The following LHFPL6 variants were observed in gnomAD, a reference collection of about 807,000 sequenced individuals.
LHFPL6 encodes LHFPL tetraspan subfamily member 6 protein.
Under a neutral mutation model 20.6 loss-of-function variants are expected in LHFPL6, and 9 were observed. That is an observed-to-expected ratio of 0.44 (90% CI 0.26 to 0.76). LHFPL6 has a LOEUF of 0.76. Among genes scored for constraint, LHFPL6 ranks in the 30% least tolerant of loss-of-function variants. The probability of loss-of-function intolerance (pLI) is 0.20; values close to 1 mark genes in which losing one functional copy is unlikely to be tolerated. For synonymous variants in LHFPL6, 105 were observed against 98.7 expected (o/e 1.06, Z -0.38); for missense variants, 218 against 253.5 (o/e 0.86, Z 0.95).
At chr13:39,507,017 A>G (rs1869508618) in intron 2 of LHFPL6, among the ~76,000 whole-genome samples, 1 of 152,234 alleles carries the variant, frequency 6.6e-6, no homozygotes, top group African/African-American at 2.4e-5. Flanking sequence ...ACAAGTTTGT[A>G]TAAACACGTT....
intron 2 of LHFPL6, among the ~76,000 whole-genome samples, chr13:39,564,097 T>C (rs1190500345): frequency 7.0e-6 from 1 of 143,482 alleles, no homozygotes. Flanking sequence ...TCCAGGAGAT[T>C]GGGAGCTGTT....
chr13:39,429,818 T>C (rs1871739605), intron 2 of LHFPL6, among the ~76,000 whole-genome samples: 1 of 152,174 alleles, frequency 6.6e-6, no homozygotes, highest in Admixed American at 6.5e-5. Context: ...ACTTCCTCTA[T>C]CTTGCTAAAT....
At chr13:39,390,810 C>T (rs1422820545) in intron 2 of LHFPL6, among the ~76,000 whole-genome samples, 5 of 152,124 alleles carry the variant, frequency 3.3e-5, no homozygotes, top group African/African-American at 1.2e-4. Flanking sequence ...GTCTGGCCAA[C>T]ATGGTGAAAC....
At chr13:39,573,003 C>T (rs1310571427) in intron 2 of LHFPL6, among the ~76,000 whole-genome samples, 6 of 152,312 alleles carry the variant, frequency 3.9e-5, no homozygotes, top group Admixed American at 6.5e-5. Context: ...TGGCAAATTT[C>T]CTAGCTTATT....
intron 2 of LHFPL6, among the ~76,000 whole-genome samples, chr13:39,496,832 A>G (rs1307162941): frequency 6.6e-6 from 1 of 152,176 alleles, no homozygotes; most frequent in African/African-American, 2.4e-5. Flanking sequence ...ACCAACTGGG[A>G]GTGAAGTGCT....
chr13:39,526,397 A>C (rs2138490575), intron 2 of LHFPL6, among the ~76,000 whole-genome samples: 1 of 152,366 alleles, frequency 6.6e-6, no homozygotes, highest in South Asian at 2.1e-4. Flanking sequence ...GAAAACAAAA[A>C]TCAAGCTACA....
At position 39,483,576 on chromosome 13, in the gene LHFPL6, A is replaced by G. The variant is rs61414476; in HGVS notation, c.386-105050T>C. 3.8e-3 allele frequency among the ~76,000 whole-genome samples: 579 copies of G among 151,662 alleles called. 5 individuals are homozygous for G. The highest frequency in any genetic ancestry group is 0.013 in the African/African-American group (531 of 41,284). ...GGGCATTCTAATGATACCATGAAAC[A>G]CACAGTGTTTTGCTATAGATTCCTT... is the stretch of plus-strand genomic sequence containing the variant. On this transcript the variant is annotated intron_variant, in intron 2 of 3. Coordinates refer to ENST00000379589, the MANE Select transcript of LHFPL6 (RefSeq NM_005780.3).
chr13:39,454,462 T>C (rs1872521414), intron 2 of LHFPL6, among the ~76,000 whole-genome samples: 1 of 85,158 alleles, frequency 1.2e-5, no homozygotes, highest in Non-Finnish European at 2.1e-5. Context: ...ACCCCGTCTC[T>C]ACTAAAAATA....
intron 2 of LHFPL6, among the ~76,000 whole-genome samples, chr13:39,594,300 G>A (rs930326432): frequency 2.6e-5 from 4 of 152,134 alleles, no homozygotes; most frequent in African/African-American, 9.7e-5. Flanking sequence ...TCAAAAAGTG[G>A]GCGAAGGACA....
intron 2 of LHFPL6, among the ~76,000 whole-genome samples, chr13:39,426,272 G>A (rs1279313765): frequency 1.3e-5 from 2 of 150,148 alleles, no homozygotes; most frequent in African/African-American, 2.5e-5. Flanking sequence ...CCAGGCTGGA[G>A]TGCAATGGCA....
intron 3 of LHFPL6, among the ~76,000 whole-genome samples, chr13:39,375,257 C>T (rs1345720863): frequency 2.0e-5 from 3 of 152,236 alleles, no homozygotes; most frequent in African/African-American, 7.2e-5. Context: ...TGACCTCATG[C>T]TGCAGCCCAC....
intron 2 of LHFPL6, among the ~76,000 whole-genome samples, chr13:39,496,516 AAC>A (rs1566124913): frequency 1.3e-5 from 2 of 152,204 alleles, no homozygotes; most frequent in Non-Finnish European, 2.9e-5. Flanking sequence ...GCTCTTTCAA[AAC>A]CCAGCACTTA....
intron 2 of LHFPL6, among the ~76,000 whole-genome samples, chr13:39,452,186 G>A (rs1347964485): frequency 3.3e-5 from 5 of 151,920 alleles, no homozygotes; most frequent in East Asian, 1.9e-4. Context: ...ACTGGGCTGC[G>A]GAGGGAAGTG....
chr13:39,532,790 A>G (rs909414753), intron 2 of LHFPL6, among the ~76,000 whole-genome samples: 2 of 152,204 alleles, frequency 1.3e-5, no homozygotes, highest in African/African-American at 4.8e-5. Flanking sequence ...TGTTCCAAAG[A>G]AAGAGATTCA....
chr13:39,358,428 A>G (rs1270852872), intron 3 of LHFPL6, among the ~76,000 whole-genome samples: 3 of 152,222 alleles, frequency 2.0e-5, no homozygotes, highest in Non-Finnish European at 4.4e-5. Flanking sequence ...TAAGACCTCA[A>G]ACTATAAAAA....
At chr13:39,503,913 T>C (rs8002691) in intron 2 of LHFPL6, among the ~76,000 whole-genome samples, 100,203 of 152,072 alleles carry the variant, frequency 0.66, 33,251 homozygotes, top group East Asian at 0.85. Context: ...CAAAAGTTCT[T>C]GAAGAGTCTA....
At chr13:39,499,021 C>T (rs368785833) in intron 2 of LHFPL6, among the ~76,000 whole-genome samples, 1 of 152,232 alleles carries the variant, frequency 6.6e-6, no homozygotes. Flanking sequence ...CCACCACGTC[C>T]GGCTAAATTT....
chr13:39,593,573 C>A (rs1242540988), intron 2 of LHFPL6, among the ~76,000 whole-genome samples: 5 of 152,000 alleles, frequency 3.3e-5, no homozygotes, highest in Non-Finnish European at 7.4e-5. Flanking sequence ...CCATCCCCAT[C>A]AAGCTACCAA....
chr13:39,398,006 G>C (rs2138376488), intron 2 of LHFPL6, among the ~76,000 whole-genome samples: 1 of 152,236 alleles, frequency 6.6e-6, no homozygotes, highest in African/African-American at 2.4e-5. Context: ...TTTTAGGGTG[G>C]AGGCAGCATC....
Sources: allele counts gnomAD v4.1 joint callset (sites outside exome capture counted in the v4.1 genomes callset), GRCh38; gene constraint gnomAD v4.1.1; transcripts MANE v1.5; gene names NCBI Gene and HGNC (gene_info 2026-07-23, HGNC 2026-07-21).